Variants in CDH23 observed in about 807,000 individuals in gnomAD.
The protein encoded by CDH23 is cadherin related 23.
In CDH23, 189 loss-of-function variants were observed where a neutral mutation model predicts 317.1. That is an observed-to-expected ratio of 0.60 (90% CI 0.53 to 0.67). The LOEUF (loss-of-function observed/expected upper bound fraction) is 0.67. Ranked by LOEUF, CDH23 falls within the 30% of genes least tolerant of loss-of-function variation. CDH23 has a pLI of 0.00. For missense variants in CDH23, 4,401 were observed against 4,592.4 expected, an observed-to-expected ratio of 0.96 and a Z score of 1.20; for synonymous variants, 1,839 against 1,876.8, an observed-to-expected ratio of 0.98 and a Z score of 0.52.
intron 18 of CDH23, among the ~76,000 whole-genome samples, chr10:71,684,310 C>G (rs1188148001): frequency 6.6e-6 from 1 of 152,186 alleles, no homozygotes; most frequent in Non-Finnish European, 1.5e-5. Flanking sequence ...CGTAGCTGCA[C>G]TCACAACCCT....
intron 27 of CDH23, 115 bp downstream of exon 27, chr10:71,709,326 A>T (rs1865894244): frequency 1.2e-6 from 1 of 855,316 alleles, no homozygotes; most frequent in Non-Finnish European, 1.8e-6. Context: ...GCCAGTGGAG[A>T]AAGGGCCACC....
intron 17 of CDH23, among the ~76,000 whole-genome samples, chr10:71,681,281 G>T (rs1226772714): frequency 6.6e-6 from 1 of 152,042 alleles, no homozygotes; most frequent in African/African-American, 2.4e-5. Context: ...TAATATTGTT[G>T]TAATGCCTTC....
chr10:71,766,136 T>C (rs1475041448), intron 38 of CDH23, among the ~76,000 whole-genome samples: 3 of 152,224 alleles, frequency 2.0e-5, no homozygotes, highest in Non-Finnish European at 4.4e-5. Context: ...CCGGCTAAAA[T>C]TACAATTCTT....
At chr10:71,664,274 A>G (rs1463374203) in intron 14 of CDH23, among the ~76,000 whole-genome samples, 1 of 152,226 alleles carries the variant, frequency 6.6e-6, no homozygotes. Context: ...GGCCAGAGCA[A>G]TTTGCTCCCC....
Position 71,401,097 on chromosome 10 carries a change from G to A in CDH23, c.-6+3779G>A, listed in dbSNP as rs114161485. On this transcript the variant is annotated intron_variant, in intron 1 of 69. Coordinates refer to ENST00000224721, the MANE Select transcript of CDH23 (RefSeq NM_022124.6). The stretch of plus-strand genomic sequence containing the variant: ...CTACTGGATAGGTTATTTCAGGGTG[G>A]GAGTACTTTTGCCCTCAGTAGAGAA... 6.8e-3 allele frequency among the ~76,000 whole-genome samples: 1,040 copies of A among 152,262 alleles called. 10 individuals carry two copies. Among genetic ancestry groups the A allele is most frequent in the African/African-American group, 0.023 (976 of 41,536 alleles).
At chr10:71,550,763 G>A (rs1371116688) in intron 6 of CDH23, among the ~76,000 whole-genome samples, 1 of 152,146 alleles carries the variant, frequency 6.6e-6, no homozygotes, top group African/African-American at 2.4e-5. Context: ...AGGCATGCTG[G>A]ATTTGCAGGT....
intron 48 of CDH23, among the ~76,000 whole-genome samples, 168 bp downstream of exon 48, chr10:71,793,808 C>T (rs1033350188): frequency 1.3e-5 from 2 of 152,264 alleles, no homozygotes; most frequent in South Asian, 2.1e-4. Context: ...TTTTCCATCT[C>T]TCCCCTTGCT....
chr10:71,725,259 G>A (rs1265161544), intron 29 of CDH23, 113 bp from the exon 30 acceptor site: 48 of 1,519,404 alleles, frequency 3.2e-5, no homozygotes, highest in Non-Finnish European at 4.3e-5. Context: ...AAGACCCGCA[G>A]CCTCCTCACA....
chr10:71,660,247 G>C (rs913119824), intron 14 of CDH23, among the ~76,000 whole-genome samples: 1 of 152,104 alleles, frequency 6.6e-6, no homozygotes, highest in Non-Finnish European at 1.5e-5. Context: ...CGCCCGGCCT[G>C]ACTCAGCCAT....
intron 3 of CDH23, among the ~76,000 whole-genome samples, chr10:71,446,733 G>A (rs546153091): frequency 2.6e-4 from 39 of 152,170 alleles, no homozygotes; most frequent in Non-Finnish European, 4.6e-4. Context: ...AATTTTCTGT[G>A]ATTACTAAGT....
intron 35 of CDH23, 81 bp from the exon 36 acceptor site, chr10:71,739,563 G>C (rs1000546189): frequency 3.3e-6 from 5 of 1,531,842 alleles, no homozygotes; most frequent in Middle Eastern, 2.2e-4. Flanking sequence ...GGGCAGAGGA[G>C]GACCAGGGAG....
intron 55 of CDH23, among the ~76,000 whole-genome samples, chr10:71,805,492 T>C (rs1326387480): frequency 1.3e-5 from 2 of 152,090 alleles, no homozygotes; most frequent in African/African-American, 4.8e-5. Context: ...CAGCATGCAA[T>C]GAATGGGACT....
At chr10:71,791,579 C>CTTTTT (rs536597476) in intron 47 of CDH23, among the ~76,000 whole-genome samples, 99 of 144,548 alleles carry the variant, frequency 6.8e-4, no homozygotes, top group Non-Finnish European at 1.2e-3. Context: ...CTTTTCTTTT[C>CTTTTT]TTTTTTTTTT....
chr10:71,464,896 C>A (rs1379977688), intron 3 of CDH23, among the ~76,000 whole-genome samples: 1 of 152,190 alleles, frequency 6.6e-6, no homozygotes, highest in Non-Finnish European at 1.5e-5. Flanking sequence ...TGACTGTGTC[C>A]CATAGAGCTC....
At chr10:71,731,897 C>A in intron 31 of CDH23, 90 bp from the exon 32 acceptor site, 3 of 1,448,556 alleles carry the variant, frequency 2.1e-6, no homozygotes, top group Non-Finnish European at 2.8e-6. Context: ...GTGGGCCACC[C>A]AGGGGGTATG....
At chr10:71,474,944 A>T (rs954666079) in intron 3 of CDH23, among the ~76,000 whole-genome samples, 6 of 152,224 alleles carry the variant, frequency 3.9e-5, no homozygotes. Flanking sequence ...GGCTTGGTCA[A>T]TGTCTAAGAC....
chr10:71,804,039 C>T (rs1841639947), intron 55 of CDH23, among the ~76,000 whole-genome samples: 1 of 150,170 alleles, frequency 6.7e-6, no homozygotes. Context: ...CTTATCAGCC[C>T]AACGACTTTG....
intron 1 of CDH23, among the ~76,000 whole-genome samples, chr10:71,426,897 G>A (rs61129841): frequency 0.011 from 1,703 of 152,092 alleles, 31 homozygotes; most frequent in African/African-American, 0.038. Flanking sequence ...TGTAATCCTA[G>A]CACTTTGGGA....
At chr10:71,743,434 A>G (rs1474696430) in intron 38 of CDH23, among the ~76,000 whole-genome samples, 1 of 152,088 alleles carries the variant, frequency 6.6e-6, no homozygotes, top group South Asian at 2.1e-4. Context: ...TAACTCCAGG[A>G]ATTGGGATTG....
Sources: gnomAD v4.1 joint callset for allele counts (sites outside exome capture counted in the v4.1 genomes callset) on GRCh38, gnomAD v4.1.1 for gene constraint, MANE v1.5 for transcripts, NCBI Gene and HGNC (gene_info 2026-07-23, HGNC 2026-07-21) for gene names.